RAB3C: variants seen among roughly 807,000 people sequenced by gnomAD.
The protein encoded by RAB3C is ras-related protein Rab-3C.
In RAB3C, 17 loss-of-function variants were observed where a neutral mutation model predicts 26.4. That is an observed-to-expected ratio of 0.64 (90% CI 0.44 to 0.97). RAB3C has a LOEUF of 0.97. RAB3C is among the 50% of genes least tolerant of loss of function. RAB3C has a pLI of 0.00. For synonymous variants in RAB3C, 91 were observed against 95.9 expected, an observed-to-expected ratio of 0.95 and a Z score of 0.30; for missense variants, 242 against 281.9, an observed-to-expected ratio of 0.86 and a Z score of 1.01.
At chr5:58,814,727 G>A (rs1459270776) in intron 3 of RAB3C, 1 of 152,088 alleles carries the variant, frequency 6.6e-6, no homozygotes, top group South Asian at 2.1e-4. Flanking sequence ...GCTTCATCTA[G>A]TTACTGTTGT....
chr5:58,779,945 A>G (rs1742236479), intron 3 of RAB3C, among the ~76,000 whole-genome samples: 1 of 152,100 alleles, frequency 6.6e-6, no homozygotes, highest in Non-Finnish European at 1.5e-5. Flanking sequence ...CTCACCTGGG[A>G]GCATTTTGCA....
intron 2 of RAB3C, among the ~76,000 whole-genome samples, chr5:58,665,732 A>G (rs538284254): frequency 2.6e-5 from 4 of 152,246 alleles, no homozygotes; most frequent in African/African-American, 7.2e-5. Flanking sequence ...CGTGTTACTC[A>G]TTTTCTATCT....
chr5:58,735,470 G>T (rs1479300790), intron 3 of RAB3C, among the ~76,000 whole-genome samples: 1 of 152,176 alleles, frequency 6.6e-6, no homozygotes, highest in African/African-American at 2.4e-5. Flanking sequence ...CACGTCTACT[G>T]CATATTAGTT....
chr5:58,646,829 C>G (rs1025046739), intron 2 of RAB3C, among the ~76,000 whole-genome samples: 7 of 152,168 alleles, frequency 4.6e-5, no homozygotes, highest in African/African-American at 1.7e-4. Flanking sequence ...TCATGGCCGA[C>G]ATATTCAATT....
intron 2 of RAB3C, among the ~76,000 whole-genome samples, chr5:58,710,278 T>G (rs867663035): frequency 1.3e-5 from 2 of 152,166 alleles, no homozygotes; most frequent in Non-Finnish European, 2.9e-5. Context: ...TCATTATTAA[T>G]AGTAGTACTA....
rs868306836 is a variant in RAB3C, at chr5:58,627,506, A to C, written c.252+9636A>C. Among the ~76,000 whole-genome samples the C allele has an allele frequency of 2.6e-3, 174 of 66,320 alleles. 26 individuals carry two copies. Among genetic ancestry groups the C allele is most frequent in the Admixed American group, 0.024 (127 of 5,280 alleles). 43.5% of individuals were successfully genotyped at this position (66,320 alleles called of 152,430 possible). On this transcript the variant is annotated intron_variant, in intron 2 of 4. Transcript: ENST00000282878. ...AAAAAAAAAAAAAAAAAAAAAAAAA[A>C]AAAAAAAAAAAAACACAGCTTAAAT...
intron 2 of RAB3C, among the ~76,000 whole-genome samples, chr5:58,676,286 T>C (rs1354424089): frequency 1.3e-5 from 2 of 152,008 alleles, no homozygotes; most frequent in East Asian, 3.9e-4. Flanking sequence ...GTGGATCACT[T>C]GAGGTCAGGA....
chr5:58,682,431 T>A (rs1038276130), intron 2 of RAB3C, among the ~76,000 whole-genome samples: 5 of 152,186 alleles, frequency 3.3e-5, no homozygotes, highest in Non-Finnish European at 7.3e-5. Context: ...ACACCTGTAA[T>A]CTCAGCACTT....
At position 58,830,245 on chromosome 5, in the gene RAB3C, T is replaced by C. The variant is rs116803326; in HGVS notation, c.496+5083T>C. Among the ~76,000 whole-genome samples, 913 of 152,332 alleles carry C rather than the reference T, an allele frequency of 6.0e-3. 11 individuals are homozygous for C. The highest frequency in any genetic ancestry group is 0.021 in the African/African-American group (866 of 41,580). ...CATTTAAGACAAATGAAAAAGGATA[T>C]TCTTTCACCTAACAAAGAATATACT... On this transcript the variant is annotated intron_variant, in intron 4 of 4. Transcript: ENST00000282878.
intron 2 of RAB3C, among the ~76,000 whole-genome samples, chr5:58,653,767 A>AC (rs750475186): frequency 5.3e-5 from 8 of 152,232 alleles, no homozygotes; most frequent in Non-Finnish European, 1.2e-4. Flanking sequence ...CATGAGAGAT[A>AC]CAGGAACTAG....
At chr5:58,777,650 G>A (rs187215073) in intron 3 of RAB3C, among the ~76,000 whole-genome samples, 217 of 150,776 alleles carry the variant, frequency 1.4e-3, no homozygotes, top group African/African-American at 5.2e-3. Context: ...CAACGTGCAG[G>A]TTTGTTACAT....
At chr5:58,705,076 A>T (rs1385037025) in intron 2 of RAB3C, among the ~76,000 whole-genome samples, 1 of 150,500 alleles carries the variant, frequency 6.6e-6, no homozygotes, top group Admixed American at 6.6e-5. Context: ...TATCACTATG[A>T]TAATTTTTTT....
At chr5:58,777,144 C>T (rs1012145859) in intron 3 of RAB3C, among the ~76,000 whole-genome samples, 2 of 152,028 alleles carry the variant, frequency 1.3e-5, no homozygotes, top group African/African-American at 2.4e-5. Context: ...CTTTGCAATC[C>T]CTATCCTTGT....
chr5:58,666,798 T>C (rs897084086), intron 2 of RAB3C, among the ~76,000 whole-genome samples: 2 of 152,176 alleles, frequency 1.3e-5, no homozygotes, highest in Non-Finnish European at 2.9e-5. Flanking sequence ...GCTAATTATA[T>C]GGGAGTTGAC....
chr5:58,615,836 C>T (rs989866894), intron 1 of RAB3C, among the ~76,000 whole-genome samples: 2 of 152,056 alleles, frequency 1.3e-5, no homozygotes, highest in African/African-American at 2.4e-5. Flanking sequence ...ATGAAATACC[C>T]ACGGGTTTTT....
At chr5:58,703,091 A>G (rs1303143608) in intron 2 of RAB3C, among the ~76,000 whole-genome samples, 1 of 152,260 alleles carries the variant, frequency 6.6e-6, no homozygotes, top group African/African-American at 2.4e-5. Flanking sequence ...TAAGTAAGGA[A>G]TTCTTCCAAA....
intron 4 of RAB3C, among the ~76,000 whole-genome samples, chr5:58,842,123 C>CT (rs1162517245): frequency 6.6e-6 from 1 of 152,008 alleles, no homozygotes; most frequent in Non-Finnish European, 1.5e-5. Context: ...TCTTTTTTTC[C>CT]TTGACTTCAC....
chr5:58,730,336 A>C (rs1485136875), intron 3 of RAB3C, among the ~76,000 whole-genome samples: 2 of 152,078 alleles, frequency 1.3e-5, no homozygotes, highest in Admixed American at 1.3e-4. Flanking sequence ...AGAATTGTAT[A>C]ATAAAAGAAA....
In RAB3C at chr5:58,693,334, G is replaced by GTATATATATATA. The variant is rs1478527340; in HGVS notation, c.253-32667_253-32666insATATATATATAT. On this transcript the variant is annotated intron_variant, in intron 2 of 4. Coordinates refer to ENST00000282878, the MANE Select transcript of RAB3C (RefSeq NM_138453.4). ...TAAAATTAAGAAATTATATATATAT[G>GTATATATATATA]TGTATATATATATATATATATATAT... Among the ~76,000 whole-genome samples the GTATATATATATA allele has an allele frequency of 4.6e-3, 388 of 83,788 alleles. 11 individuals are homozygous for GTATATATATATA. The highest frequency in any genetic ancestry group is 0.017 in the African/African-American group (366 of 21,470). The allele number at this position is 83,788 out of a possible 152,430, so 55.0% of individuals were successfully genotyped here. A position where few individuals can be genotyped will look rare whatever the true frequency, so the allele number is the denominator to read the frequency against.
Sources: gnomAD v4.1 joint callset for allele counts (sites outside exome capture counted in the v4.1 genomes callset) on GRCh38, gnomAD v4.1.1 for gene constraint, MANE v1.5 for transcripts, NCBI Gene and HGNC (gene_info 2026-07-23, HGNC 2026-07-21) for gene names.